Variants in AGBL4 observed in about 807,000 individuals in gnomAD.
AGBL4 encodes cytosolic carboxypeptidase 6.
A neutral mutation model predicts 66.4 loss-of-function variants in AGBL4; 58 were observed. That is an observed-to-expected ratio of 0.87 (90% CI 0.71 to 1.09). The LOEUF is 1.09. Ranked by LOEUF, AGBL4 falls within the 50% of genes least tolerant of loss-of-function variation. The pLI is 0.00. For synonymous variants in AGBL4, 234 were observed against 222.9 expected, an observed-to-expected ratio of 1.05 and a Z score of -0.44; for missense variants, 579 against 631.0, an observed-to-expected ratio of 0.92 and a Z score of 0.88.
chr1:50,021,215 T>G (rs1351050642), intron 1 of AGBL4, among the ~76,000 whole-genome samples: 1 of 152,174 alleles, frequency 6.6e-6, no homozygotes, highest in African/African-American at 2.4e-5. Context: ...CTCTAATCTC[T>G]CCAGTCGCAC....
At chr1:48,612,888 C>A (rs766812214) in intron 9 of AGBL4, among the ~76,000 whole-genome samples, 1 of 152,176 alleles carries the variant, frequency 6.6e-6, no homozygotes, top group Non-Finnish European at 1.5e-5. Context: ...AATCCCAGCA[C>A]TTTGGGAGGC....
chr1:49,539,752 T>C (rs183228413), intron 3 of AGBL4, among the ~76,000 whole-genome samples: 1 of 152,294 alleles, frequency 6.6e-6, no homozygotes, highest in East Asian at 1.9e-4. Context: ...GAATGAGGGC[T>C]GTGAGTAGCC....
chr1:49,140,983 A>G (rs1646106656), intron 4 of AGBL4, among the ~76,000 whole-genome samples: 1 of 152,180 alleles, frequency 6.6e-6, no homozygotes, highest in Non-Finnish European at 1.5e-5. Flanking sequence ...ATTTCTTAGC[A>G]TTAAGAAACT....
At chr1:49,632,417 A>C (rs918036462) in intron 3 of AGBL4, among the ~76,000 whole-genome samples, 7 of 152,226 alleles carry the variant, frequency 4.6e-5, no homozygotes, top group Non-Finnish European at 4.4e-5. Context: ...TAACAAGACC[A>C]GTATTATCCA....
chr1:49,218,082 T>C (rs1433910411), intron 4 of AGBL4, among the ~76,000 whole-genome samples: 2 of 152,090 alleles, frequency 1.3e-5, no homozygotes, highest in African/African-American at 4.8e-5. Flanking sequence ...ACTATACTAT[T>C]TACATGTATT....
intron 2 of AGBL4, among the ~76,000 whole-genome samples, chr1:49,848,625 A>T (rs562959567): frequency 6.6e-6 from 1 of 152,322 alleles, no homozygotes; most frequent in South Asian, 2.1e-4. Context: ...ATACATATAG[A>T]ACGTGGAATA....
chr1:48,621,887 G>A (rs1645419307), intron 9 of AGBL4, among the ~76,000 whole-genome samples: 1 of 150,922 alleles, frequency 6.6e-6, no homozygotes. Context: ...TTCTAGTACT[G>A]CAATTGCTGG....
At chr1:49,831,403 T>G (rs1645673915) in intron 2 of AGBL4, among the ~76,000 whole-genome samples, 1 of 152,214 alleles carries the variant, frequency 6.6e-6, no homozygotes, top group Non-Finnish European at 1.5e-5. Flanking sequence ...GATTTGGCTC[T>G]CTGTTTGTCT....
At chr1:49,024,380 T>C (rs904474666) in intron 5 of AGBL4, among the ~76,000 whole-genome samples, 2 of 152,184 alleles carry the variant, frequency 1.3e-5, no homozygotes. Context: ...ATATACCCTG[T>C]AAGATAGAGT....
intron 1 of AGBL4, among the ~76,000 whole-genome samples, chr1:49,941,139 A>C (rs564815916): frequency 1.6e-4 from 24 of 152,260 alleles, no homozygotes; most frequent in Non-Finnish European, 2.8e-4. Context: ...GAATTATGAA[A>C]AAATAGAAAA....
intron 3 of AGBL4, among the ~76,000 whole-genome samples, chr1:49,286,567 AACAG>A (rs1644415224): frequency 6.6e-6 from 1 of 152,062 alleles, no homozygotes; most frequent in African/African-American, 2.4e-5. Flanking sequence ...ATACACCAAT[AACAG>A]ACAAACAGAG....
chr1:49,502,514 CAAA>C, intron 3 of AGBL4, among the ~76,000 whole-genome samples: 1 of 151,798 alleles, frequency 6.6e-6, no homozygotes, highest in Middle Eastern at 3.4e-3. Context: ...GCTCAGAAGA[CAAA>C]AAATTGGGGG....
chr1:49,406,790 G>A lies in AGBL4; in HGVS notation c.283-160926C>T, dbSNP rs35007350. 7.9e-3 allele frequency among the ~76,000 whole-genome samples: 1,202 copies of A among 152,048 alleles called. 7 individuals are homozygous for A. The highest frequency in any genetic ancestry group is 0.012 in the Non-Finnish European group (782 of 67,970). The stretch of plus-strand genomic sequence containing the variant: ...TATATATAAAATAAATGCAGGCCAG[G>A]AGCGGTGGCTCATGCCTGTAATCCC... On this transcript the variant is annotated intron_variant, in intron 3 of 13. Transcript: ENST00000371839.
intron 4 of AGBL4, among the ~76,000 whole-genome samples, chr1:49,231,135 T>C (rs546268779): frequency 6.6e-6 from 1 of 152,310 alleles, no homozygotes; most frequent in South Asian, 2.1e-4. Flanking sequence ...TAGCCTTAAT[T>C]CTTAAACAGT....
chr1:49,645,260 A>C (rs1200561664), intron 3 of AGBL4, among the ~76,000 whole-genome samples: 1 of 151,504 alleles, frequency 6.6e-6, no homozygotes, highest in Admixed American at 6.6e-5. Flanking sequence ...AAACAGCAAA[A>C]GTAATATGGA....
intron 3 of AGBL4, among the ~76,000 whole-genome samples, chr1:49,261,478 A>C (rs1213393635): frequency 6.6e-6 from 1 of 150,874 alleles, no homozygotes; most frequent in African/African-American, 2.4e-5. Context: ...ATACAAAATC[A>C]ATGTACAAAA....
intron 6 of AGBL4, among the ~76,000 whole-genome samples, chr1:48,790,195 T>G (rs543660371): frequency 2.6e-5 from 4 of 151,600 alleles, no homozygotes; most frequent in East Asian, 1.9e-4. Context: ...CGTAACAGAT[T>G]TACCAGCACT....
intron 2 of AGBL4, among the ~76,000 whole-genome samples, chr1:49,824,821 A>G (rs568948842): frequency 6.6e-6 from 1 of 152,368 alleles, no homozygotes; most frequent in South Asian, 2.1e-4. Flanking sequence ...GGTAGTGGGT[A>G]AAGTCATGGA....
At chr1:49,868,974 T>C (rs1331515322) in intron 1 of AGBL4, among the ~76,000 whole-genome samples, 1 of 152,132 alleles carries the variant, frequency 6.6e-6, no homozygotes, top group Non-Finnish European at 1.5e-5. Flanking sequence ...AAGACATTTA[T>C]GTAGCCAACA....
Sources: gnomAD v4.1 joint callset for allele counts (sites outside exome capture counted in the v4.1 genomes callset) on GRCh38, gnomAD v4.1.1 for gene constraint, MANE v1.5 for transcripts, NCBI Gene and HGNC (gene_info 2026-07-23, HGNC 2026-07-21) for gene names.